Variants in C6orf89 observed in about 807,000 individuals in gnomAD.
The protein encoded by C6orf89 is chromosome 6 open reading frame 89.
Under a neutral mutation model 40.7 loss-of-function variants are expected in C6orf89, and 29 were observed. That is an observed-to-expected ratio of 0.71 (90% CI 0.53 to 0.97). The LOEUF (loss-of-function observed/expected upper bound fraction) is 0.97, where lower values mean the gene tolerates loss of function less well. Among genes scored for constraint, C6orf89 ranks in the 50% least tolerant of loss-of-function variants. The pLI is 0.00. For missense variants in C6orf89, 392 were observed against 429.1 expected (o/e 0.91, Z 0.76); for synonymous variants, 165 against 152.2 (o/e 1.08, Z -0.62).
intron 1 of C6orf89, among the ~76,000 whole-genome samples, chr6:36,877,867 C>T (rs1045861039): frequency 2.4e-4 from 11 of 46,126 alleles, no homozygotes; most frequent in Non-Finnish European, 4.0e-4. Context: ...AATCTTCTAC[C>T]TATTTTTCTA....
intron 2 of C6orf89, among the ~76,000 whole-genome samples, chr6:36,879,634 C>T (rs1774749712): frequency 6.6e-6 from 1 of 152,082 alleles, no homozygotes; most frequent in South Asian, 2.1e-4. Flanking sequence ...TGTATTTGTG[C>T]TATGAATTCG....
At chr6:36,921,406 G>GA (rs1762505118) in intron 8 of C6orf89, among the ~76,000 whole-genome samples, 1 of 152,164 alleles carries the variant, frequency 6.6e-6, no homozygotes, top group Non-Finnish European at 1.5e-5. Context: ...ATGGCACCAT[G>GA]ACATGCAAGT....
intron 1 of C6orf89, among the ~76,000 whole-genome samples, chr6:36,892,356 G>C (rs1156945345): frequency 1.3e-5 from 2 of 152,084 alleles, no homozygotes; most frequent in Non-Finnish European, 1.5e-5. Flanking sequence ...AAAAGAGCTG[G>C]AGCCTCCCTG....
At chr6:36,923,192 GAAA>G (rs1344459840) in intron 8 of C6orf89, among the ~76,000 whole-genome samples, 152 bp from the exon 9 acceptor site, 1 of 151,812 alleles carries the variant, frequency 6.6e-6, no homozygotes, top group Non-Finnish European at 1.5e-5. Flanking sequence ...GAAAGAAAAA[GAAA>G]AAAAAGGAAA....
At chr6:36,917,770 T>A (rs1263941094) in intron 7 of C6orf89, among the ~76,000 whole-genome samples, 1 of 152,114 alleles carries the variant, frequency 6.6e-6, no homozygotes, top group African/African-American at 2.4e-5. Flanking sequence ...CAGGCCCTTG[T>A]ATGATTTCAT....
upstream of C6orf89, chr6:36,883,449 ACT>A (rs1475227616): frequency 6.6e-6 from 1 of 152,148 alleles, no homozygotes; most frequent in Non-Finnish European, 1.5e-5. Flanking sequence ...CTATCACAAG[ACT>A]CTTATCTTTG....
intron 2 of C6orf89, among the ~76,000 whole-genome samples, chr6:36,880,075 CT>C (rs1774763086): frequency 6.6e-6 from 1 of 152,176 alleles, no homozygotes; most frequent in African/African-American, 2.4e-5. Context: ...GTCTCTTCTC[CT>C]CCACAGACTA....
intron 7 of C6orf89, among the ~76,000 whole-genome samples, chr6:36,918,385 G>T (rs1055322983): frequency 3.3e-5 from 5 of 152,218 alleles, no homozygotes; most frequent in Non-Finnish European, 5.9e-5. Context: ...AGATGTTAAG[G>T]CTTCTGCCAA....
intron 1 of C6orf89, among the ~76,000 whole-genome samples, chr6:36,872,644 G>C (rs540941557): frequency 9.9e-5 from 15 of 151,724 alleles, no homozygotes; most frequent in African/African-American, 2.9e-4. Context: ...GGTCTCCTCT[G>C]TCACCCAGGT....
At chr6:36,920,978 TA>T (rs34178132) in intron 8 of C6orf89, among the ~76,000 whole-genome samples, 31,057 of 145,458 alleles carry the variant, frequency 0.21, 5,147 homozygotes, top group African/African-American at 0.46. Context: ...AGGGAAAAAT[TA>T]AAAAAAAAAA....
At chr6:36,921,153 A>G (rs1020975383) in intron 8 of C6orf89, among the ~76,000 whole-genome samples, 3 of 145,898 alleles carry the variant, frequency 2.1e-5, no homozygotes, top group Non-Finnish European at 3.0e-5. Context: ...GGCCAGTCAC[A>G]TGACAGAACA....
intron 1 of C6orf89, among the ~76,000 whole-genome samples, chr6:36,875,745 A>G (rs1340686884): frequency 6.6e-6 from 1 of 152,264 alleles, no homozygotes; most frequent in Non-Finnish European, 1.5e-5. Flanking sequence ...TCAAAATCCC[A>G]CAAGGTAGAT....
rs141726887 is a variant in C6orf89 at position 36,912,974 on chromosome 6, A to G, written c.404-1310A>G. ...CAGCCACATTTGGTTGTCTGTTATC[A>G]TTTGTCGTAGGCTCTCTCCTGATTT... On this transcript the variant is annotated intron_variant, in intron 4 of 8. Coordinates refer to ENST00000480824, the MANE Select transcript of C6orf89 (RefSeq NM_001286635.2). 6.8e-4 allele frequency among the ~76,000 whole-genome samples: 104 copies of G among 152,346 alleles called. 3 individuals carry two copies. In the East Asian group the frequency reaches 0.018, roughly 26 times the overall value.
At chr6:36,915,026 G>A (rs1762265483) in intron 6 of C6orf89, among the ~76,000 whole-genome samples, 1 of 152,118 alleles carries the variant, frequency 6.6e-6, no homozygotes, top group Non-Finnish European at 1.5e-5. Flanking sequence ...CTTAGCGTGC[G>A]AGTAGGAAAG....
chr6:36,913,642 T>C (rs1406429481), intron 4 of C6orf89, among the ~76,000 whole-genome samples: 2 of 152,232 alleles, frequency 1.3e-5, no homozygotes, highest in Non-Finnish European at 2.9e-5. Flanking sequence ...ACTACATCTT[T>C]AGCTCCACAT....
At position 36,919,610 on chromosome 6, in the gene C6orf89, C is replaced by T. The variant is rs1373949333; in HGVS notation, c.858C>T (p.Gly286=). Residue 286 remains glycine (G), a synonymous_variant, in exon 8 of 9, where the codon GGC becomes GGT. Transcript: ENST00000480824. ...AGATGCCTGACCTATTTATCATTGG[C>T]AGCGGTGAGGCCATGTTGCAGCTCA... ...MHKMPDLFII[G]SGEAMLQLIP... is the part of the protein sequence containing the mutation. 9 of 1,614,018 alleles carry T rather than the reference C, an allele frequency of 5.6e-6. No individual in the cohort carries two copies. The South Asian group carries it at 8.8e-5, about 16-fold the overall frequency.
chr6:36,888,658 A>G (rs1376294711), intron 1 of C6orf89, among the ~76,000 whole-genome samples: 1 of 152,110 alleles, frequency 6.6e-6, no homozygotes, highest in Non-Finnish European at 1.5e-5. Flanking sequence ...AAAACTGGAC[A>G]AGGTAGAGAA....
intron 1 of C6orf89, chr6:36,878,889 G>A (rs975059496): frequency 4.6e-5 from 7 of 152,168 alleles, no homozygotes; most frequent in South Asian, 2.1e-4. Flanking sequence ...CTGATCACGA[G>A]TCACCCCTGG....
chr6:36,894,136 C>G (rs978065191), intron 1 of C6orf89, among the ~76,000 whole-genome samples: 2 of 152,036 alleles, frequency 1.3e-5, no homozygotes, highest in African/African-American at 4.8e-5. Context: ...CTCACCTGTA[C>G]TTTTGTCCCC....
Sources: allele counts gnomAD v4.1 joint callset (sites outside exome capture counted in the v4.1 genomes callset), GRCh38; gene constraint gnomAD v4.1.1; transcripts MANE v1.5; gene names NCBI Gene and HGNC (gene_info 2026-07-23, HGNC 2026-07-21).